The following ALG12 variants were observed in gnomAD, a reference collection of about 807,000 sequenced individuals.
The protein encoded by ALG12 is dol-P-Man:Man(7)GlcNAc(2)-PP-Dol alpha-1,6-mannosyltransferase.
Under a neutral mutation model 46.0 loss-of-function variants are expected in ALG12, and 36 were observed. The ratio of observed to expected loss-of-function variants is 0.78; its 90% confidence interval spans 0.60 to 1.03. The LOEUF (loss-of-function observed/expected upper bound fraction) is 1.03, where lower values mean the gene tolerates loss of function less well. Ranked by LOEUF, ALG12 falls within the 50% of genes least tolerant of loss-of-function variation. The probability of loss-of-function intolerance (pLI) is 0.00; values close to 1 mark genes in which losing one functional copy is unlikely to be tolerated. For missense variants in ALG12, 599 were observed against 633.5 expected, an observed-to-expected ratio of 0.95 and a Z score of 0.58; for synonymous variants, 326 against 291.6, an observed-to-expected ratio of 1.12 and a Z score of -1.20.
rs140835842 is a variant in ALG12 at position 49,909,919 on chromosome 22, G to A, written c.639C>T (p.Ala213=). 1.0e-4 allele frequency: 161 copies of A among 1,614,136 alleles called. 1 individual carries two copies. In the East Asian group the frequency reaches 3.3e-3, roughly 33 times the overall value. Residue 213 remains alanine, a synonymous_variant, in exon 5 of 10, where the codon GCC becomes GCT. Transcript: ENST00000330817. The part of the protein sequence containing the change: ...KVSVVRALRH[A]VPAGILCLGL... Reference sequence around the variant, plus strand: ...CTAAACAGAGGATCCCTGCCGGGACGGCGTGGCGAAGGGCTCTGACTACAG... The same window carrying A: ...CTAAACAGAGGATCCCTGCCGGGACAGCGTGGCGAAGGGCTCTGACTACAG...
Sources: gnomAD v4.1 joint callset for allele counts on GRCh38, gnomAD v4.1.1 for gene constraint, MANE v1.5 for transcripts, NCBI Gene and HGNC (gene_info 2026-07-23, HGNC 2026-07-21) for gene names.